The following DOK5 variants were observed in gnomAD, a reference collection of about 807,000 sequenced individuals.
DOK5 encodes downstream of tyrosine kinase 5.
In DOK5, 27 loss-of-function variants were observed where a neutral mutation model predicts 43.3. The observed-to-expected ratio is 0.62, with a 90% CI of 0.46 to 0.86. The LOEUF (loss-of-function observed/expected upper bound fraction) is 0.86, where lower values mean the gene tolerates loss of function less well. DOK5 is among the 40% of genes least tolerant of loss of function. DOK5 has a pLI of 0.00. For synonymous variants in DOK5, 146 were observed against 140.1 expected (o/e 1.04, Z -0.30); for missense variants, 373 against 392.9 (o/e 0.95, Z 0.43).
intron 5 of DOK5, among the ~76,000 whole-genome samples, chr20:54,604,238 G>A (rs574347266): frequency 2.6e-5 from 4 of 151,466 alleles, no homozygotes; most frequent in South Asian, 4.2e-4. Context: ...GAGCCACCGC[G>A]CCCCGGCCTC....
intron 2 of DOK5, among the ~76,000 whole-genome samples, chr20:54,574,235 C>G (rs763330554): frequency 6.6e-6 from 1 of 152,086 alleles, no homozygotes; most frequent in Admixed American, 6.5e-5. Context: ...TCACCCATAT[C>G]CCTTCTCAAT....
chr20:54,476,693 T>C (rs1981441310), intron 1 of DOK5, among the ~76,000 whole-genome samples: 1 of 152,184 alleles, frequency 6.6e-6, no homozygotes, highest in Non-Finnish European at 1.5e-5. Flanking sequence ...ATACCTGGCA[T>C]AGCGCAAGTG....
chr20:54,572,192 G>A lies in DOK5; in HGVS notation c.175-16291G>A, dbSNP rs369184386. 1.4e-4 allele frequency among the ~76,000 whole-genome samples: 21 copies of A among 148,870 alleles called. 3 individuals carry two copies. Among genetic ancestry groups the A allele is most frequent in the Admixed American group, 8.1e-4 (12 of 14,894 alleles). ...TTTTTTTTTTTTGAGACGGAGTCTC[G>A]CTCTGTTGCCCAGGCTGGAGTGCAG... On this transcript the variant is annotated intron_variant, in intron 2 of 7. Coordinates refer to ENST00000262593, the MANE Select transcript of DOK5 (RefSeq NM_018431.5).
intron 1 of DOK5, among the ~76,000 whole-genome samples, chr20:54,531,224 A>G (rs548427328): frequency 1.3e-5 from 2 of 152,314 alleles, no homozygotes; most frequent in East Asian, 1.9e-4. Context: ...TTCATATATT[A>G]TGTGGTATTG....
chr20:54,636,889 T>C (rs1978849506), intron 6 of DOK5, among the ~76,000 whole-genome samples: 1 of 152,164 alleles, frequency 6.6e-6, no homozygotes, highest in South Asian at 2.1e-4. Flanking sequence ...ACGAGACAAT[T>C]AAATTTCAAC....
intron 6 of DOK5, among the ~76,000 whole-genome samples, chr20:54,628,296 C>G (rs1172025854): frequency 6.6e-6 from 1 of 151,512 alleles, no homozygotes; most frequent in East Asian, 1.9e-4. Context: ...GTAGTCCCAG[C>G]TACTCTGGAG....
Position 54,620,354 on chromosome 20 carries a change from T to C in DOK5, c.735+9831T>C, listed in dbSNP as rs900452989. Among the ~76,000 whole-genome samples the C allele has an allele frequency of 2.6e-5, 4 of 152,322 alleles. No individual in the cohort carries two copies. The South Asian group carries it at 8.3e-4, about 32-fold the overall frequency. On this transcript the variant is annotated intron_variant, in intron 6 of 7. Transcript: ENST00000262593. ...CCCGGGTTCAAGTGATTCTCCTGTC[T>C]CAGCCTCCCAAGTAGCTGGGATTAC... is the stretch of plus-strand genomic sequence containing the variant.
chr20:54,578,541 C>T (rs1366669467), intron 2 of DOK5, among the ~76,000 whole-genome samples: 2 of 152,112 alleles, frequency 1.3e-5, no homozygotes, highest in African/African-American at 4.8e-5. Context: ...CTAACTTGGC[C>T]TGCTGTTGTT....
chr20:54,638,734 C>T lies in DOK5; in HGVS notation c.736-4724C>T, dbSNP rs12481192. Among the ~76,000 whole-genome samples the T allele has an allele frequency of 9.6e-3, 1,422 of 148,366 alleles. 23 individuals are homozygous for T. The highest frequency in any genetic ancestry group is 0.065 in the South Asian group (301 of 4,654). On this transcript the variant is annotated intron_variant, in intron 6 of 7. Transcript: ENST00000262593. ...TAGTATACAGTTTGTTCCACCATAA[C>T]ACCATTTCTTTTCTTTTCTTTTTTT...
chr20:54,598,185 A>AT (rs200524615), intron 5 of DOK5, among the ~76,000 whole-genome samples: 1,630 of 152,196 alleles, frequency 0.011, 34 homozygotes, highest in African/African-American at 0.037. Context: ...CATATTCTCT[A>AT]TTTTTTGAGG....
At chr20:54,486,022 T>A (rs964743213) in intron 1 of DOK5, among the ~76,000 whole-genome samples, 8 of 152,250 alleles carry the variant, frequency 5.3e-5, no homozygotes, top group African/African-American at 1.9e-4. Context: ...TAGATATCAA[T>A]CCCTTTTAGA....
chr20:54,588,608 G>A lies in DOK5; in HGVS notation c.289+11G>A, dbSNP rs772042876. On this transcript the variant is annotated intron_variant, in intron 3 of 7. Transcript: ENST00000262593. Reference sequence around the variant, plus strand: ...TTGCTTGCGAATCAGGTTTGTCTCAGGCAGGGCTGGGGGGCTTTTGCTTTT... The same window carrying A: ...TTGCTTGCGAATCAGGTTTGTCTCAAGCAGGGCTGGGGGGCTTTTGCTTTT... 3 of 1,614,112 alleles carry A rather than the reference G, an allele frequency of 1.9e-6. No homozygotes were observed. The highest frequency in any genetic ancestry group is 2.2e-5 in the East Asian group (1 of 44,882).
chr20:54,631,331 A>T (rs1400343697), intron 6 of DOK5, among the ~76,000 whole-genome samples: 1 of 151,838 alleles, frequency 6.6e-6, no homozygotes, highest in Non-Finnish European at 1.5e-5. Flanking sequence ...TGGGAGGATA[A>T]CTGGAGCCCA....
At chr20:54,580,547 A>G (rs1165190194) in intron 2 of DOK5, among the ~76,000 whole-genome samples, 1 of 152,034 alleles carries the variant, frequency 6.6e-6, no homozygotes, top group Non-Finnish European at 1.5e-5. Flanking sequence ...TTTTTCTGAT[A>G]ATAGCCATCC....
At chr20:54,590,844 C>A (rs189416501) in intron 4 of DOK5, among the ~76,000 whole-genome samples, 2 of 152,256 alleles carry the variant, frequency 1.3e-5, no homozygotes, top group African/African-American at 4.8e-5. Context: ...TCATTTTTCA[C>A]TGAAAGACTT....
chr20:54,650,184 A>G (rs1158312185), intron 7 of DOK5, among the ~76,000 whole-genome samples: 1 of 152,238 alleles, frequency 6.6e-6, no homozygotes, highest in African/African-American at 2.4e-5. Flanking sequence ...ATTAAGGAAG[A>G]AAATAATTGC....
At chr20:54,480,944 T>TC (rs1981651990) in intron 1 of DOK5, among the ~76,000 whole-genome samples, 3 of 140,772 alleles carry the variant, frequency 2.1e-5, no homozygotes, top group African/African-American at 9.0e-5. Flanking sequence ...ATCATCTATC[T>TC]ATCTATCATC....
chr20:54,480,940 T>TATCTATCTATC (rs1188181161), intron 1 of DOK5, among the ~76,000 whole-genome samples: 14 of 134,130 alleles, frequency 1.0e-4, no homozygotes, highest in African/African-American at 3.8e-4. Context: ...ATCTATCATC[T>TATCTATCTATC]ATCTATCTAT....
At chr20:54,550,589 T>C (rs1235003204) in intron 1 of DOK5, among the ~76,000 whole-genome samples, 1 of 152,242 alleles carries the variant, frequency 6.6e-6, no homozygotes, top group Non-Finnish European at 1.5e-5. Context: ...CTGTTTTCCG[T>C]TTCTATAATT....
Sources: allele counts gnomAD v4.1 joint callset (sites outside exome capture counted in the v4.1 genomes callset), GRCh38; gene constraint gnomAD v4.1.1; transcripts MANE v1.5; gene names NCBI Gene and HGNC (gene_info 2026-07-23, HGNC 2026-07-21).